CNBD1: variants seen among roughly 807,000 people sequenced by gnomAD.
CNBD1 encodes cyclic nucleotide binding domain containing 1, also known as cyclic nucleotide-binding domain-containing protein 1.
CNBD1 carries 71 observed loss-of-function variants against 54.4 expected under a neutral mutation model. That is an observed-to-expected ratio of 1.30 (90% CI 1.08 to 1.59). CNBD1 has a LOEUF of 1.59. Among genes scored for constraint, CNBD1 ranks in the 40% most tolerant of loss-of-function variants. CNBD1 has a pLI of 0.00. For missense variants in CNBD1, 659 were observed against 518.0 expected (o/e 1.27, Z -2.64); for synonymous variants, 182 against 170.7 (o/e 1.07, Z -0.51).
chr8:87,427,599 A>G (rs16868496), intron 2 of CNBD1, among the ~76,000 whole-genome samples: 2,290 of 152,258 alleles, frequency 0.015, 60 homozygotes, highest in African/African-American at 0.049. Flanking sequence ...ACAAAATACT[A>G]TGGTCCTAAA....
intron 4 of CNBD1, among the ~76,000 whole-genome samples, chr8:86,953,818 GA>G: frequency 6.6e-6 from 1 of 152,256 alleles, no homozygotes; most frequent in African/African-American, 2.4e-5. Flanking sequence ...AGTGAGCCAA[GA>G]TCGTGCTACT....
chr8:87,356,101 GT>G (rs35873985), intron 10 of CNBD1, among the ~76,000 whole-genome samples: 61,547 of 151,848 alleles, frequency 0.41, 12,753 homozygotes, highest in Middle Eastern at 0.46. Flanking sequence ...TGCCATGCTT[GT>G]TAGACCCTGG....
At position 87,274,862 on chromosome 8, in the gene CNBD1, G is replaced by C. The variant is rs748454240; in HGVS notation, c.772-9816G>C. On this transcript the variant is annotated intron_variant, in intron 6 of 10. Coordinates refer to ENST00000518476, the MANE Select transcript of CNBD1 (RefSeq NM_173538.3). ...CCTTGCCCATGCCTATGTCCTGAAT[G>C]GTAATTTTAGCCTAGGTTTTCTTCT... Among the ~76,000 whole-genome samples the C allele has an allele frequency of 9.7e-4, 130 of 134,300 alleles. 24 individuals carry two copies. The highest frequency in any genetic ancestry group is 1.6e-3 in the Non-Finnish European group (102 of 62,702). The allele number at this position is 134,300 out of a possible 152,430, so 88.1% of individuals were successfully genotyped here.
chr8:87,120,087 C>G (rs1006395060), intron 4 of CNBD1, among the ~76,000 whole-genome samples: 12 of 151,944 alleles, frequency 7.9e-5, no homozygotes, highest in African/African-American at 2.9e-4. Context: ...TAATGCTGGC[C>G]TCATAAAATG....
chr8:87,095,221 A>G, intron 4 of CNBD1, among the ~76,000 whole-genome samples: 1 of 152,242 alleles, frequency 6.6e-6, no homozygotes, highest in East Asian at 1.9e-4. Context: ...AAAATAACCC[A>G]GAAGCTAGGA....
intron 2 of CNBD1, chr8:87,428,494 T>A: frequency 5.1e-6 from 2 of 390,006 alleles, no homozygotes; most frequent in South Asian, 3.8e-5. Context: ...GCTCTTTTTA[T>A]GAAGATTATT....
intron 8 of CNBD1, 114 bp downstream of exon 8, chr8:87,286,785 A>T: frequency 1.4e-6 from 1 of 737,570 alleles, no homozygotes; most frequent in Non-Finnish European, 2.2e-6. Flanking sequence ...ATATTCTCTA[A>T]TTTATTTGAT....
At chr8:87,309,476 T>A (rs1563546716) in intron 8 of CNBD1, among the ~76,000 whole-genome samples, 1 of 152,178 alleles carries the variant, frequency 6.6e-6, no homozygotes, top group Non-Finnish European at 1.5e-5. Context: ...GCTATTGCTT[T>A]GTGTATTTCT....
chr8:87,183,005 G>GT (rs1457913005), intron 4 of CNBD1, among the ~76,000 whole-genome samples: 2 of 152,030 alleles, frequency 1.3e-5, no homozygotes, highest in African/African-American at 4.8e-5. Context: ...TCATTTCCTA[G>GT]TTTTTTCTAG....
chr8:87,164,007 G>A (rs948737625), intron 4 of CNBD1, among the ~76,000 whole-genome samples: 4 of 151,768 alleles, frequency 2.6e-5, no homozygotes, highest in Non-Finnish European at 4.4e-5. Flanking sequence ...ATTTTTGAAA[G>A]AATGCCTAGT....
chr8:87,171,574 C>T (rs1467299412), intron 4 of CNBD1, among the ~76,000 whole-genome samples: 2 of 151,262 alleles, frequency 1.3e-5, no homozygotes, highest in African/African-American at 4.9e-5. Flanking sequence ...TTTGTTCTTG[C>T]TTTTCTAGTT....
chr8:86,995,561 T>C (rs955636645), intron 4 of CNBD1, among the ~76,000 whole-genome samples: 2 of 152,058 alleles, frequency 1.3e-5, no homozygotes, highest in Admixed American at 6.6e-5. Flanking sequence ...AAGAAGTGTT[T>C]TAGTAAAAAG....
chr8:87,126,785 G>T (rs2130721668), intron 4 of CNBD1, among the ~76,000 whole-genome samples: 1 of 151,966 alleles, frequency 6.6e-6, no homozygotes, highest in African/African-American at 2.4e-5. Flanking sequence ...TTCCAGTTAG[G>T]TTTATGATCT....
intron 8 of CNBD1, among the ~76,000 whole-genome samples, chr8:87,344,052 A>G (rs891844008): frequency 1.3e-5 from 2 of 152,138 alleles, no homozygotes; most frequent in Non-Finnish European, 2.9e-5. Context: ...AATGGTATGT[A>G]GTTTGTAACA....
chr8:87,357,440 G>T (rs1033410463), intron 10 of CNBD1, among the ~76,000 whole-genome samples: 1 of 152,196 alleles, frequency 6.6e-6, no homozygotes, highest in African/African-American at 2.4e-5. Flanking sequence ...CCTTGCACCA[G>T]TGTACCCATA....
intron 4 of CNBD1, among the ~76,000 whole-genome samples, chr8:87,181,048 CA>C (rs1217553902): frequency 6.6e-6 from 1 of 152,140 alleles, no homozygotes; most frequent in African/African-American, 2.4e-5. Context: ...TTTCTTCCCC[CA>C]GAAACGTGCT....
At chr8:86,891,720 T>A (rs925712714) in intron 2 of CNBD1, among the ~76,000 whole-genome samples, 1 of 152,122 alleles carries the variant, frequency 6.6e-6, no homozygotes, top group Non-Finnish European at 1.5e-5. Context: ...TCAGTGAACA[T>A]GGATATCCTT....
At chr8:86,935,017 G>GTTTGTTTA (rs749935209) in intron 3 of CNBD1, among the ~76,000 whole-genome samples, 170 of 65,930 alleles carry the variant, frequency 2.6e-3, no homozygotes, top group African/African-American at 5.1e-3. Context: ...TTGTTTGTTT[G>GTTTGTTTA]TTTATTTATT....
chr8:87,188,492 G>C, intron 4 of CNBD1, among the ~76,000 whole-genome samples: 1 of 152,136 alleles, frequency 6.6e-6, no homozygotes, highest in Non-Finnish European at 1.5e-5. Context: ...CACTTTCAGA[G>C]GCCAAGGTGT....
Sources: allele counts gnomAD v4.1 joint callset (sites outside exome capture counted in the v4.1 genomes callset), GRCh38; gene constraint gnomAD v4.1.1; transcripts MANE v1.5; gene names NCBI Gene and HGNC (gene_info 2026-07-23, HGNC 2026-07-21).